Variants in ACVR1 observed in about 807,000 individuals in gnomAD.
ACVR1 encodes activin A receptor type 1, also known as activin receptor type-1.
Under a neutral mutation model 57.1 loss-of-function variants are expected in ACVR1, and 38 were observed. That is an observed-to-expected ratio of 0.67 (90% CI 0.51 to 0.87). ACVR1 has a LOEUF of 0.87. ACVR1 is among the 40% of genes least tolerant of loss of function. ACVR1 has a pLI of 0.00. For missense variants in ACVR1, 463 were observed against 638.2 expected, an observed-to-expected ratio of 0.73 and a Z score of 2.96; for synonymous variants, 212 against 228.1, an observed-to-expected ratio of 0.93 and a Z score of 0.63.
chr2:157,807,140 G>GA (rs1553507004), intron 2 of ACVR1: 3 of 151,972 alleles, frequency 2.0e-5, no homozygotes, highest in African/African-American at 7.3e-5. Context: ...TCTGTAAAAT[G>GA]AAAAAAGATG....
At chr2:157,751,266 A>G (rs919300613) in intron 9 of ACVR1, among the ~76,000 whole-genome samples, 1 of 152,232 alleles carries the variant, frequency 6.6e-6, no homozygotes, top group Non-Finnish European at 1.5e-5. Context: ...GCTGAATGAA[A>G]TACAGGGGCA....
intron 1 of ACVR1, among the ~76,000 whole-genome samples, chr2:157,821,553 T>TA (rs1688162100): frequency 1.3e-5 from 2 of 151,796 alleles, no homozygotes; most frequent in African/African-American, 4.8e-5. Context: ...AAAAATAAAA[T>TA]AAAAAAATCA....
intron 2 of ACVR1, among the ~76,000 whole-genome samples, chr2:157,801,582 G>A (rs550207358): frequency 2.0e-5 from 3 of 152,196 alleles, no homozygotes; most frequent in South Asian, 2.1e-4. Flanking sequence ...TTTGAAAAAC[G>A]GATTTGCAAC....
At chr2:157,779,725 T>G (rs982580382) in intron 4 of ACVR1, among the ~76,000 whole-genome samples, 1 of 152,192 alleles carries the variant, frequency 6.6e-6, no homozygotes, top group African/African-American at 2.4e-5. Flanking sequence ...GGGAAACAGT[T>G]TCAGAGCTGG....
chr2:157,860,977 G>A (rs1298884866), intron 1 of ACVR1, among the ~76,000 whole-genome samples: 2 of 152,160 alleles, frequency 1.3e-5, no homozygotes, highest in African/African-American at 4.8e-5. Flanking sequence ...AGGACCACAC[G>A]CTGAGTAGCA....
At chr2:157,794,364 G>C (rs1195084938) in intron 3 of ACVR1, among the ~76,000 whole-genome samples, 1 of 152,156 alleles carries the variant, frequency 6.6e-6, no homozygotes, top group Non-Finnish European at 1.5e-5. Context: ...ACTGGTAGGA[G>C]AGACAAGAAA....
chr2:157,853,136 T>C (rs912840378), intron 1 of ACVR1, among the ~76,000 whole-genome samples: 30 of 152,204 alleles, frequency 2.0e-4, no homozygotes, highest in African/African-American at 7.2e-4. Context: ...TACTATAATA[T>C]CCTTCCTGTT....
chr2:157,818,732 G>A (rs973967226), intron 1 of ACVR1, among the ~76,000 whole-genome samples, 173 bp from the exon 2 acceptor site: 6 of 152,198 alleles, frequency 3.9e-5, no homozygotes, highest in Admixed American at 2.6e-4. Flanking sequence ...GATAGGAAGA[G>A]TGTGGAGGTT....
intron 1 of ACVR1, among the ~76,000 whole-genome samples, chr2:157,837,518 G>A (rs562816193): frequency 5.3e-5 from 8 of 151,870 alleles, no homozygotes; most frequent in Admixed American, 2.0e-4. Context: ...ATTTAATTTC[G>A]AGCACGGAAA....
intron 3 of ACVR1, among the ~76,000 whole-genome samples, chr2:157,791,009 C>T (rs1686890109): frequency 6.6e-6 from 1 of 152,198 alleles, no homozygotes; most frequent in Admixed American, 6.5e-5. Context: ...TTCACCCTTC[C>T]CCTGCCTGCA....
At chr2:157,754,222 C>T (rs538488159) in intron 9 of ACVR1, among the ~76,000 whole-genome samples, 1 of 152,132 alleles carries the variant, frequency 6.6e-6, no homozygotes, top group South Asian at 2.1e-4. Flanking sequence ...AAGAATAAAC[C>T]AAACTCATAC....
chr2:157,802,717 T>C (rs143886034), intron 2 of ACVR1, among the ~76,000 whole-genome samples: 2 of 152,310 alleles, frequency 1.3e-5, no homozygotes, highest in African/African-American at 4.8e-5. Context: ...CTCATTCTCA[T>C]AGATCACTTT....
At chr2:157,741,181 A>G (rs1434799889) in intron 9 of ACVR1, among the ~76,000 whole-genome samples, 1 of 152,212 alleles carries the variant, frequency 6.6e-6, no homozygotes, top group African/African-American at 2.4e-5. Flanking sequence ...ATCTTGTCAA[A>G]AAGAACCTCA....
At chr2:157,816,151 T>A (rs1687925720) in intron 2 of ACVR1, among the ~76,000 whole-genome samples, 1 of 152,214 alleles carries the variant, frequency 6.6e-6, no homozygotes, top group Admixed American at 6.5e-5. Flanking sequence ...ATATGCATAT[T>A]TGTTTGTATA....
In ACVR1 at chr2:157,875,958, C is replaced by G. The variant is rs1690278369; in HGVS notation, c.-345G>C. ...GGGGCCGGGAGCCGGGGGCCGAGGGCCGGCCCAGAGCGGCGGCGGCTGCGG... is the reference window on the plus strand; with the variant it reads ...GGGGCCGGGAGCCGGGGGCCGAGGGGCGGCCCAGAGCGGCGGCGGCTGCGG... On this transcript the variant is annotated 5_prime_UTR_variant, in exon 1 of 11. Coordinates refer to ENST00000434821, the MANE Select transcript of ACVR1 (RefSeq NM_001111067.4). The G allele has an allele frequency of 6.7e-6, 1 of 149,124 alleles. No homozygotes were observed. The highest frequency in any genetic ancestry group is 1.5e-5 in the Non-Finnish European group (1 of 66,968). The allele number at this position is 149,124 out of a possible 1,614,324, so 9.2% of individuals were successfully genotyped here. A position where few individuals can be genotyped will look rare whatever the true frequency, so the allele number is the denominator to read the frequency against.
chr2:157,774,275 A>G (rs1574048247), intron 5 of ACVR1, 88 bp from the exon 6 acceptor site: 1 of 1,066,798 alleles, frequency 9.4e-7, no homozygotes, highest in Non-Finnish European at 1.5e-6. Context: ...TGTAACTCAC[A>G]TGAAGGGCAG....
intron 9 of ACVR1, among the ~76,000 whole-genome samples, chr2:157,748,301 C>T (rs1187958216): frequency 1.3e-5 from 2 of 152,210 alleles, no homozygotes; most frequent in Admixed American, 6.5e-5. Context: ...GGAAATGCTA[C>T]TGTCTAGCTA....
intron 1 of ACVR1, among the ~76,000 whole-genome samples, chr2:157,837,246 C>T (rs1688814332): frequency 6.6e-6 from 1 of 152,174 alleles, no homozygotes; most frequent in African/African-American, 2.4e-5. Context: ...TACAGGGATG[C>T]TTTTCTAAAT....
chr2:157,823,735 C>A (rs1312730334), intron 1 of ACVR1, among the ~76,000 whole-genome samples: 1 of 152,182 alleles, frequency 6.6e-6, no homozygotes, highest in Non-Finnish European at 1.5e-5. Context: ...AATCTGCCTA[C>A]ACTCCGTAAC....
Sources: allele counts gnomAD v4.1 joint callset (sites outside exome capture counted in the v4.1 genomes callset), GRCh38; gene constraint gnomAD v4.1.1; transcripts MANE v1.5; gene names NCBI Gene and HGNC (gene_info 2026-07-23, HGNC 2026-07-21).